The following ZNF93 variants were observed in gnomAD, a reference collection of about 807,000 sequenced individuals.
ZNF93 encodes zinc finger protein 505.
ZNF93 carries 29 observed loss-of-function variants against 45.0 expected under a neutral mutation model. That is an observed-to-expected ratio of 0.64 (90% CI 0.48 to 0.88). The LOEUF (loss-of-function observed/expected upper bound fraction) is 0.88. ZNF93 is among the 40% of genes least tolerant of loss of function. The pLI is 0.00. For synonymous variants in ZNF93, 223 were observed against 244.6 expected, an observed-to-expected ratio of 0.91 and a Z score of 0.82; for missense variants, 578 against 724.0, an observed-to-expected ratio of 0.80 and a Z score of 2.31.
At chr19:19,916,069 CTTT>C (rs769502324) in intron 2 of ZNF93, among the ~76,000 whole-genome samples, 3 of 138,468 alleles carry the variant, frequency 2.2e-5, no homozygotes, top group Admixed American at 7.3e-5. Context: ...TTTCTTTTTC[CTTT>C]TTTTTTTTTT....
rs780057250 is a variant in ZNF93 at position 19,934,114 on chromosome 19, C to A, written c.1159C>A (p.His387Asn). 6 of 1,610,960 alleles carry A rather than the reference C, an allele frequency of 3.7e-6. No individual in the cohort carries two copies. The highest frequency in any genetic ancestry group is 5.1e-6 in the Non-Finnish European group (6 of 1,179,442). ...AFIWSSVLTR[H>N]KRVHTGEKPY... is the part of the protein sequence containing the mutation. The stretch of plus-strand genomic sequence containing the variant: ...CATTTGGTCCTCAGTCCTAACTAGA[C>A]ATAAGAGAGTTCATACTGGAGAGAA... The change falls in exon 4 of 4, where the codon CAT (histidine) becomes AAT (asparagine). Residue 387 changes from histidine (H) to asparagine (N), a missense_variant. This residue lies in a region of ZNF93 where 446 missense variants were observed against 547.6 expected (regional missense o/e 0.81). Transcript: ENST00000343769.
At chr19:19,909,386 A>G (rs559635405) in intron 1 of ZNF93, 1 of 152,376 alleles carries the variant, frequency 6.6e-6, no homozygotes, top group East Asian at 1.9e-4. Context: ...GTGAAAGCCT[A>G]GCTTCAGCAG....
chr19:19,932,940 A>G (rs1264295945), intron 3 of ZNF93: 1 of 280,066 alleles, frequency 3.6e-6, no homozygotes. Context: ...TCTTCAAAAT[A>G]TTGTTTTTCA....
At chr19:19,924,081 CTTCT>C (rs1192409433) in intron 3 of ZNF93, among the ~76,000 whole-genome samples, 1 of 151,872 alleles carries the variant, frequency 6.6e-6, no homozygotes, top group East Asian at 1.9e-4. Flanking sequence ...TCCTTCCTTC[CTTCT>C]TTCTTCTTTC....
In ZNF93 at chr19:19,902,913, A is replaced by T. The variant is rs189516289; in HGVS notation, c.3+1822A>T. Among the ~76,000 whole-genome samples, 1,130 of 151,250 alleles carry T rather than the reference A, an allele frequency of 7.5e-3. 22 individuals are homozygous for T. The highest frequency in any genetic ancestry group is 0.025 in the African/African-American group (1,043 of 41,214). On this transcript the variant is annotated intron_variant, in intron 1 of 3. Transcript: ENST00000343769. Reference sequence around the variant, plus strand: ...CACCACGCCCGGCTAATTAAAAAAAATTTTTTTAATAGAGACGGGGTTTCA... The same window carrying T: ...CACCACGCCCGGCTAATTAAAAAAATTTTTTTTAATAGAGACGGGGTTTCA...
intron 3 of ZNF93, among the ~76,000 whole-genome samples, chr19:19,929,895 G>A (rs1245378417): frequency 1.0e-4 from 13 of 126,564 alleles, no homozygotes; most frequent in East Asian, 7.8e-4. Context: ...CCGAGATCGC[G>A]CCACTGCACT....
chr19:19,922,670 C>T (rs932319459), intron 3 of ZNF93, among the ~76,000 whole-genome samples: 34 of 152,154 alleles, frequency 2.2e-4, no homozygotes, highest in East Asian at 7.7e-4. Flanking sequence ...CTTCCCTTCT[C>T]GCTTCATTTC....
At chr19:19,902,260 GT>G (rs113660443) in intron 1 of ZNF93, among the ~76,000 whole-genome samples, 3 of 148,546 alleles carry the variant, frequency 2.0e-5, no homozygotes, top group Non-Finnish European at 3.0e-5. Flanking sequence ...AAAACAGAAG[GT>G]TTTTTTTTTG....
At chr19:19,923,927 C>T (rs1422308769) in intron 3 of ZNF93, among the ~76,000 whole-genome samples, 1 of 152,174 alleles carries the variant, frequency 6.6e-6, no homozygotes, top group African/African-American at 2.4e-5. Flanking sequence ...CATTGTCCTG[C>T]ACCCCTTGTC....
At chr19:19,917,922 T>C (rs1276717379) in intron 3 of ZNF93, among the ~76,000 whole-genome samples, 7 of 66,222 alleles carry the variant, frequency 1.1e-4, no homozygotes, top group Non-Finnish European at 1.7e-4. Context: ...CTTTCTTTCC[T>C]TCCTTCCTTC....
intron 1 of ZNF93, chr19:19,908,304 A>G (rs1346722448): frequency 6.6e-6 from 1 of 152,222 alleles, no homozygotes. Context: ...GATGATTTCC[A>G]TATAGAACCC....
chr19:19,905,202 G>A (rs1263739501), intron 1 of ZNF93, among the ~76,000 whole-genome samples: 1 of 151,860 alleles, frequency 6.6e-6, no homozygotes, highest in Non-Finnish European at 1.5e-5. Flanking sequence ...CTCACTCAGG[G>A]ATTTTTTTTT....
At chr19:19,913,842 C>A (rs1219981945) in intron 1 of ZNF93, among the ~76,000 whole-genome samples, 1 of 152,050 alleles carries the variant, frequency 6.6e-6, no homozygotes, top group Non-Finnish European at 1.5e-5. Flanking sequence ...AATGGCTTTT[C>A]TTCAGGTAAA....
Position 19,935,441 on chromosome 19 carries a change from G to A in ZNF93, c.*623G>A. ...ACATCAGTTTATGAAAACTTGAAAA[G>A]GTGTTTGCTCCATCAAATTCAGACA... On this transcript the variant is annotated 3_prime_UTR_variant, in exon 4 of 4. Coordinates refer to ENST00000343769, the MANE Select transcript of ZNF93 (RefSeq NM_031218.4). 6.6e-6 allele frequency: 1 copy of A among 152,508 alleles called. No homozygotes were observed. Among genetic ancestry groups the A allele is most frequent in the Non-Finnish European group, 1.5e-5 (1 of 68,250 alleles). The allele number at this position is 152,508 out of a possible 1,614,324, so 9.4% of individuals were successfully genotyped here.
intron 3 of ZNF93, among the ~76,000 whole-genome samples, chr19:19,923,128 CTGTT>C (rs1165440868): frequency 6.6e-6 from 1 of 152,140 alleles, no homozygotes; most frequent in East Asian, 1.9e-4. Flanking sequence ...GATGTCCTTT[CTGTT>C]TGTTAGTTTT....
chr19:19,902,087 T>TA (rs922739298), intron 1 of ZNF93, among the ~76,000 whole-genome samples: 42 of 149,030 alleles, frequency 2.8e-4, no homozygotes, highest in Non-Finnish European at 4.8e-4. Flanking sequence ...GACTCCGTCT[T>TA]AAAAAAAAAA....
chr19:19,934,734 C>T lies in ZNF93; in HGVS notation c.1779C>T (p.Tyr593=), dbSNP rs143447895. The change falls in exon 4 of 4, where the codon TAC becomes TAT. Residue 593 remains tyrosine, a synonymous_variant. Coordinates refer to ENST00000343769, the MANE Select transcript of ZNF93 (RefSeq NM_031218.4). ...HKKIHSGEKP[Y]ECDKCGKAFI... ...AAATCCATTCTGGAGAGAAACCATA[C>T]GAGTGTGATAAATGTGGCAAAGCCT... 71 of 1,612,834 alleles carry T rather than the reference C, an allele frequency of 4.4e-5. No homozygotes were observed. Among genetic ancestry groups the T allele is most frequent in the African/African-American group, 2.4e-4 (18 of 74,844 alleles).
intron 1 of ZNF93, among the ~76,000 whole-genome samples, chr19:19,906,719 G>C (rs1205290898): frequency 6.6e-6 from 1 of 151,922 alleles, no homozygotes; most frequent in African/African-American, 2.4e-5. Context: ...ATGTAATGAA[G>C]GGGTCCAGTT....
intron 1 of ZNF93, chr19:19,914,798 CG>C: frequency 2.7e-6 from 1 of 376,454 alleles, no homozygotes; most frequent in Non-Finnish European, 5.1e-6. Context: ...ATATCCTTCT[CG>C]GGCCAAAAAC....
Sources: gnomAD v4.1 joint callset for allele counts (sites outside exome capture counted in the v4.1 genomes callset) on GRCh38, gnomAD v4.1.1 for gene constraint, gnomAD v4.1.1 regional missense constraint, MANE v1.5 for transcripts, NCBI Gene and HGNC (gene_info 2026-07-23, HGNC 2026-07-21) for gene names.